IDH2: variants seen among roughly 807,000 people sequenced by gnomAD.
IDH2 encodes the protein isocitrate dehydrogenase (NADP(+)) 2, also known as isocitrate dehydrogenase [NADP], mitochondrial.
In IDH2, 18 loss-of-function variants were observed where a neutral mutation model predicts 50.5. That is an observed-to-expected ratio of 0.36 (90% CI 0.25 to 0.53). The LOEUF is 0.53. Among genes scored for constraint, IDH2 ranks in the 20% least tolerant of loss-of-function variants. The pLI, the probability that IDH2 is intolerant of heterozygous loss-of-function variation, is 0.92. For missense variants in IDH2, 518 were observed against 610.7 expected (o/e 0.85, Z 1.60); for synonymous variants, 280 against 239.8 (o/e 1.17, Z -1.55).
In IDH2 at chr15:90,085,009, G is replaced by A. The variant is rs1384078076; in HGVS notation, c.1170C>T (p.Asp390=). The A allele has an allele frequency of 6.8e-6, 11 of 1,613,780 alleles. No homozygotes were observed. Among genetic ancestry groups the A allele is most frequent in the Non-Finnish European group, 8.5e-6 (10 of 1,179,938 alleles). The change falls in exon 9 of 11, where the codon GAC becomes GAT. Residue 390 remains aspartate, a synonymous_variant. Coordinates refer to ENST00000330062, the MANE Select transcript of IDH2 (RefSeq NM_002168.4). This position sits in a 1 kb window ranked among gnomAD's most constrained non-coding sequence, Gnocchi z 5.5. ...EHRGKLDGNQ[D]LIRFAQMLEK... ...TCTCCCTCCATGCTCACCTGATGAGGTCTTGGTTCCCATCCAGCTTCCCCC... is the reference window on the plus strand; with the variant it reads ...TCTCCCTCCATGCTCACCTGATGAGATCTTGGTTCCCATCCAGCTTCCCCC...
At chr15:90,092,071 T>G (rs899796453) in intron 1 of IDH2, among the ~76,000 whole-genome samples, 3 of 152,224 alleles carry the variant, frequency 2.0e-5, no homozygotes, top group Non-Finnish European at 4.4e-5. Context: ...CACCTCCAGA[T>G]GGGACTGTCT....
intron 2 of IDH2, 65 bp downstream of exon 2, chr15:90,091,488 T>G (rs1441980632): frequency 7.9e-7 from 1 of 1,263,410 alleles, no homozygotes; most frequent in Non-Finnish European, 1.2e-6. Flanking sequence ...CAGAAGACCC[T>G]GTGGGACAGA....
At position 90,085,024 on chromosome 15, in the gene IDH2, C is replaced by A; in HGVS notation, c.1155G>T (p.Leu385=). ...WTRGLEHRGK[L]DGNQDLIRFA... Reference sequence around the variant, plus strand: ...ACCTGATGAGGTCTTGGTTCCCATCCAGCTTCCCCCGGTGCTCCAGGCCAC... The same window carrying A: ...ACCTGATGAGGTCTTGGTTCCCATCAAGCTTCCCCCGGTGCTCCAGGCCAC... The change falls in exon 9 of 11, where the codon CTG becomes CTT. Residue 385 remains leucine (L), a synonymous_variant. Coordinates refer to ENST00000330062, the MANE Select transcript of IDH2 (RefSeq NM_002168.4). The surrounding 1 kb of genome is among the most constrained non-coding windows in gnomAD (Gnocchi z 5.5). 1 of 1,614,004 alleles carries A rather than the reference C, an allele frequency of 6.2e-7. No individual in the cohort carries two copies. Among genetic ancestry groups the A allele is most frequent in the Non-Finnish European group, 8.5e-7 (1 of 1,179,998 alleles).
Position 90,083,595 on chromosome 15 carries a change from G to T in IDH2, c.*671C>A, listed in dbSNP as rs1043973295. 2 of 154,276 alleles carry T rather than the reference G, an allele frequency of 1.3e-5. No homozygotes were observed. Among genetic ancestry groups the T allele is most frequent in the African/African-American group, 2.4e-5 (1 of 41,446 alleles). 9.6% of individuals were successfully genotyped at this position (154,276 alleles called of 1,614,324 possible). A position where few individuals can be genotyped will look rare whatever the true frequency, so the allele number is the denominator to read the frequency against. On this transcript the variant is annotated 3_prime_UTR_variant, in exon 11 of 11. Transcript: ENST00000330062. ...CTTGGAAAGGAGAAGTGTGAGGCAGGTGTGGGTAGGACCTCTTTTTAGTAC... is the reference window on the plus strand; with the variant it reads ...CTTGGAAAGGAGAAGTGTGAGGCAGTTGTGGGTAGGACCTCTTTTTAGTAC...
intron 1 of IDH2, among the ~76,000 whole-genome samples, chr15:90,093,441 C>T (rs1339547940): frequency 2.6e-5 from 4 of 152,084 alleles, no homozygotes; most frequent in African/African-American, 4.8e-5. Context: ...CTGTTGCGTG[C>T]AACCCAAGAG....
intron 1 of IDH2, among the ~76,000 whole-genome samples, chr15:90,101,397 G>A (rs185050709): frequency 1.7e-4 from 26 of 152,312 alleles, no homozygotes; most frequent in African/African-American, 4.3e-4. Context: ...GCCAGGGTGA[G>A]GGGGCAGGCC....
chr15:90,088,222 A>T, intron 5 of IDH2, 137 bp downstream of exon 5: 1 of 1,144,360 alleles, frequency 8.7e-7, no homozygotes, highest in Non-Finnish European at 1.3e-6. Context: ...GTCAGCCACC[A>T]TGCCCAGCCC....
chr15:90,097,136 G>C (rs1901203639), intron 1 of IDH2, among the ~76,000 whole-genome samples: 1 of 152,128 alleles, frequency 6.6e-6, no homozygotes, highest in South Asian at 2.1e-4. Context: ...CCTTATCAAA[G>C]GTTTTATTTC....
Position 90,083,119 on chromosome 15 carries a change from A to ATTTTTTTTTTTTTT in IDH2, c.*1133_*1146dup, listed in dbSNP as rs59583363. 1.6e-5 allele frequency: 1 copy of ATTTTTTTTTTTTTT among 62,656 alleles called. No homozygotes were observed. Among genetic ancestry groups the ATTTTTTTTTTTTTT allele is most frequent in the Non-Finnish European group, 2.9e-5 (1 of 34,366 alleles). The allele number at this position is 62,656 out of a possible 1,614,324, so 3.9% of individuals were successfully genotyped here. ...GGGGCTAAAAAACTTGCATAGAGCA[A>ATTTTTTTTTTTTTT]TTTTTTTTTTTTTTTTTTTTTTTTT... is the stretch of plus-strand genomic sequence containing the variant. On this transcript the variant is annotated 3_prime_UTR_variant, in exon 11 of 11. Coordinates refer to ENST00000330062, the MANE Select transcript of IDH2 (RefSeq NM_002168.4).
At chr15:90,091,961 T>C (rs1376836149) in intron 1 of IDH2, among the ~76,000 whole-genome samples, 1 of 152,196 alleles carries the variant, frequency 6.6e-6, no homozygotes, top group African/African-American at 2.4e-5. Context: ...TGAGCACTAC[T>C]ACCACCTGAG....
rs34936041 is a variant in IDH2, at chr15:90,091,762, GC to G, written c.116-119del. The stretch of plus-strand genomic sequence containing the variant: ...GTGGCAGAAAGCCAGGGCTCCAGCT[GC>G]CCGGTGTCCACTCCCCCGTCTGCAA... On this transcript the variant is annotated intron_variant, in intron 1 of 10. Coordinates refer to ENST00000330062, the MANE Select transcript of IDH2 (RefSeq NM_002168.4). The G allele has an allele frequency of 0.15, 121,482 of 836,486 alleles. 11,728 individuals are homozygous for G. Among genetic ancestry groups the G allele is most frequent in the African/African-American group, 0.4 (24,142 of 59,730 alleles). 51.8% of individuals were successfully genotyped at this position (836,486 alleles called of 1,614,324 possible). A position where few individuals can be genotyped will look rare whatever the true frequency, so the allele number is the denominator to read the frequency against.
chr15:90,084,346 G>C lies in IDH2; in HGVS notation c.1279C>G (p.Leu427Val), dbSNP rs757889221. 2.5e-5 allele frequency: 40 copies of C among 1,613,744 alleles called. No individual in the cohort carries two copies. Among genetic ancestry groups the C allele is most frequent in the Non-Finnish European group, 3.3e-5 (39 of 1,179,830 alleles). The part of the protein sequence containing the change: ...GCIHGLSNVK[L>V]NEHFLNTTDF... The stretch of plus-strand genomic sequence containing the variant: ...GTGGTGTTCAGGAAGTGCTCGTTCA[G>C]CTTCACACTGCAGAGAGAGCACCAC... Residue 427 changes from leucine to valine, a missense_variant, in exon 11 of 11, where the codon CTG becomes GTG. Around this residue, in one of 5 missense-constraint regions of IDH2, gnomAD observed 135 missense variants for 167.6 expected, o/e 0.81. Transcript: ENST00000330062. The surrounding 1 kb of genome is among the most constrained non-coding windows in gnomAD (Gnocchi z 5.0).
At position 90,088,475 on chromosome 15, in the gene IDH2, G is replaced by T. The variant is rs541249526; in HGVS notation, c.562C>A (p.Arg188=). Residue 188 remains arginine, a synonymous_variant, in exon 5 of 11, where the codon CGG becomes AGG. Coordinates refer to ENST00000330062, the MANE Select transcript of IDH2 (RefSeq NM_002168.4). ...QYKATDFVAD[R]AGTFKMVFTP... is the part of the protein sequence containing the mutation. ...AAGACCATTTTGAAAGTGCCGGCCC[G>T]GTCTGCCACAAAGTCTGTGGCCTTG... The T allele has an allele frequency of 6.2e-7, 1 of 1,614,076 alleles. No individual in the cohort carries two copies. The highest frequency in any genetic ancestry group is 8.5e-7 in the Non-Finnish European group (1 of 1,180,050).
intron 7 of IDH2, among the ~76,000 whole-genome samples, chr15:90,086,354 G>A (rs768374244): frequency 2.0e-5 from 3 of 151,942 alleles, no homozygotes; most frequent in East Asian, 3.9e-4. Context: ...CCCATTTCTC[G>A]CTGTTCTTCT....
rs1393552851 is a variant in IDH2, at chr15:90,098,721, T to C, written c.115+3555A>G. Among the ~76,000 whole-genome samples, 1 of 152,108 alleles carries C rather than the reference T, an allele frequency of 6.6e-6. No homozygotes were observed. The highest frequency in any genetic ancestry group is 2.4e-5 in the African/African-American group (1 of 41,414). Reference sequence around the variant, plus strand: ...ACCACACCCAGCTAATTTTTGTATTTTTAGTAGAGACCGGGTTTCACCATG... The same window carrying C: ...ACCACACCCAGCTAATTTTTGTATTCTTAGTAGAGACCGGGTTTCACCATG... On this transcript the variant is annotated intron_variant, in intron 1 of 10. Transcript: ENST00000330062. The surrounding 1 kb of genome is among the most constrained non-coding windows in gnomAD (Gnocchi z 5.1).
At chr15:90,086,039 C>T (rs1301861062) in intron 7 of IDH2, among the ~76,000 whole-genome samples, 1 of 152,210 alleles carries the variant, frequency 6.6e-6, no homozygotes, top group Non-Finnish European at 1.5e-5. Context: ...TTACCTGCAC[C>T]TTCACACCAT....
Position 90,084,131 on chromosome 15 carries a change from A to C in IDH2, c.*135T>G. The C allele has an allele frequency of 1.4e-6, 1 of 691,226 alleles. No individual in the cohort carries two copies. The highest frequency in any genetic ancestry group is 2.7e-5 in the East Asian group (1 of 36,872). 42.8% of individuals were successfully genotyped at this position (691,226 alleles called of 1,614,324 possible). On this transcript the variant is annotated 3_prime_UTR_variant, in exon 11 of 11. Transcript: ENST00000330062. This position sits in a 1 kb window ranked among gnomAD's most constrained non-coding sequence, Gnocchi z 5.0. The stretch of plus-strand genomic sequence containing the variant: ...GGGAAACACACATATGCTTTTAAAA[A>C]CATCTGGCTTATAAAAAAACATCCC...
chr15:90,091,108 A>T (rs377366626), intron 2 of IDH2, among the ~76,000 whole-genome samples: 2 of 152,236 alleles, frequency 1.3e-5, no homozygotes, highest in African/African-American at 4.8e-5. Flanking sequence ...GGACATACAT[A>T]GACCACGGCA....
chr15:90,096,256 T>C (rs577021533), intron 1 of IDH2, among the ~76,000 whole-genome samples: 3 of 152,034 alleles, frequency 2.0e-5, no homozygotes, highest in Admixed American at 6.5e-5. Context: ...GCAGAGATCA[T>C]GCCACTGCAC....
Sources: gnomAD v4.1 joint callset for allele counts (sites outside exome capture counted in the v4.1 genomes callset) on GRCh38, gnomAD v4.1.1 for gene constraint, gnomAD v4.1.1 regional missense constraint, Gnocchi (gnomAD v3.1) non-coding constraint, MANE v1.5 for transcripts, NCBI Gene and HGNC (gene_info 2026-07-23, HGNC 2026-07-21) for gene names.